The following LUZP1 variants were observed in gnomAD, a reference collection of about 807,000 sequenced individuals.
LUZP1 encodes the protein filamin mechanobinding actin cross-linking protein.
A neutral mutation model predicts 71.3 loss-of-function variants in LUZP1; 25 were observed. The observed-to-expected ratio is 0.35, with a 90% CI of 0.26 to 0.49. The LOEUF (loss-of-function observed/expected upper bound fraction) is 0.49. Among genes scored for constraint, LUZP1 ranks in the 20% least tolerant of loss-of-function variants. LUZP1 has a pLI of 0.99. For missense variants in LUZP1, 1,142 were observed against 1,300.8 expected, an observed-to-expected ratio of 0.88 and a Z score of 1.88; for synonymous variants, 481 against 506.4, an observed-to-expected ratio of 0.95 and a Z score of 0.67.
At chr1:23,168,494 C>A (rs911667644) in intron 2 of LUZP1, among the ~76,000 whole-genome samples, 5 of 151,214 alleles carry the variant, frequency 3.3e-5, no homozygotes, top group African/African-American at 4.9e-5. Flanking sequence ...CTTCCCTCCC[C>A]CTCCCGAGGA....
intron 2 of LUZP1, among the ~76,000 whole-genome samples, chr1:23,144,512 G>C (rs979556518): frequency 6.6e-6 from 1 of 152,138 alleles, no homozygotes; most frequent in Admixed American, 6.5e-5. Flanking sequence ...GATCATACTG[G>C]TAGCTCAGGT....
In LUZP1 at chr1:23,118,927, A is replaced by G. The variant is rs970964489; in HGVS notation, c.-225-9800T>C. Among the ~76,000 whole-genome samples, 27 of 152,046 alleles carry G rather than the reference A, an allele frequency of 1.8e-4. 1 individual carries two copies. The highest frequency in any genetic ancestry group is 4.4e-5 in the Non-Finnish European group (3 of 68,006). On this transcript the variant is annotated intron_variant, in intron 2 of 4. Transcript: ENST00000302291. ...CTAATATTCTAAGATTCTTGGGCCT[A>G]TGTTCCCAATGCACTTTGTCTGTAT...
At chr1:23,175,147 C>G (rs1351924303) in intron 1 of LUZP1, among the ~76,000 whole-genome samples, 1 of 152,082 alleles carries the variant, frequency 6.6e-6, no homozygotes, top group Non-Finnish European at 1.5e-5. Context: ...GGGAAAGTCA[C>G]TTACTGGTCA....
At chr1:23,090,505 T>C (rs1643836178) in intron 4 of LUZP1, 1 of 214,750 alleles carries the variant, frequency 4.7e-6, no homozygotes, top group Admixed American at 5.2e-5. Flanking sequence ...GATGCTGTTC[T>C]GACACCCTGA....
At chr1:23,152,820 C>T (rs774760970) in intron 2 of LUZP1, among the ~76,000 whole-genome samples, 29 of 152,096 alleles carry the variant, frequency 1.9e-4, no homozygotes, top group Non-Finnish European at 2.9e-4. Context: ...TGTGGGCCAC[C>T]GTTCCCGGCC....
chr1:23,108,454 G>A (rs1281720218), intron 3 of LUZP1, among the ~76,000 whole-genome samples: 1 of 152,052 alleles, frequency 6.6e-6, no homozygotes, highest in Non-Finnish European at 1.5e-5. Context: ...AAAAAAATTA[G>A]CTGGGCATGG....
chr1:23,130,525 CTTTT>C (rs748312616), intron 2 of LUZP1, among the ~76,000 whole-genome samples: 2 of 117,212 alleles, frequency 1.7e-5, no homozygotes, highest in Non-Finnish European at 3.5e-5. Context: ...TAACAGTTAT[CTTTT>C]TTTTTTTTTT....
At chr1:23,092,953 T>A (rs780770294) in exon 4 of LUZP1, 1 of 1,614,134 alleles carries the variant, frequency 6.2e-7, no homozygotes, top group Non-Finnish European at 8.5e-7. Flanking sequence ...CTCACCCCCA[T>A]GTGAGAAGCT....
At chr1:23,087,729 C>G (rs1643787948) in exon 5 of LUZP1, 1 of 152,650 alleles carries the variant, frequency 6.6e-6, no homozygotes. Flanking sequence ...ATTTACGTGG[C>G]TTTCTGAAAA....
At chr1:23,169,077 CGGCCCGCGTGGT>C (rs1277712742) in intron 1 of LUZP1, 1 of 152,234 alleles carries the variant, frequency 6.6e-6, no homozygotes, top group Non-Finnish European at 1.5e-5. Flanking sequence ...GGGACACTTT[CGGCCCGCGTGGT>C]GGCTCAAGTC....
intron 4 of LUZP1, chr1:23,090,749 C>T (rs1643839571): frequency 1.5e-6 from 1 of 661,750 alleles, no homozygotes; most frequent in Non-Finnish European, 2.7e-6. Flanking sequence ...CTGAGGCGGC[C>T]GAGAACTTGC....
chr1:23,172,515 T>A (rs961164969), intron 1 of LUZP1, among the ~76,000 whole-genome samples: 15 of 151,404 alleles, frequency 9.9e-5, no homozygotes, highest in African/African-American at 3.4e-4. Context: ...ATTTTTATTT[T>A]TTTATTTTTT....
chr1:23,159,538 T>C (rs1015047237), intron 2 of LUZP1, among the ~76,000 whole-genome samples: 1 of 152,202 alleles, frequency 6.6e-6, no homozygotes, highest in Non-Finnish European at 1.5e-5. Context: ...TAATAAACTA[T>C]ATACTTACTT....
exon 4 of LUZP1, chr1:23,092,832 T>G: frequency 6.2e-7 from 1 of 1,613,686 alleles, no homozygotes. Context: ...AGCCGGGGGG[T>G]AGCGACTCAG....
chr1:23,090,718 C>A, intron 4 of LUZP1: 1 of 627,394 alleles, frequency 1.6e-6, no homozygotes, highest in East Asian at 2.7e-5. Flanking sequence ...GAGAGGCCAG[C>A]AGCCTGTGAA....
At chr1:23,171,906 G>T (rs1644554882) in intron 1 of LUZP1, among the ~76,000 whole-genome samples, 1 of 152,194 alleles carries the variant, frequency 6.6e-6, no homozygotes, top group Admixed American at 6.6e-5. Flanking sequence ...CATGATCCCA[G>T]CAACCACTTA....
At chr1:23,157,081 C>G (rs1267763903) in intron 2 of LUZP1, among the ~76,000 whole-genome samples, 1 of 152,252 alleles carries the variant, frequency 6.6e-6, no homozygotes, top group Non-Finnish European at 1.5e-5. Context: ...CGCCTGTAAT[C>G]CCAACATTTT....
chr1:23,092,227 T>G, exon 4 of LUZP1: 3 of 1,614,000 alleles, frequency 1.9e-6, no homozygotes, highest in South Asian at 1.1e-5. Context: ...GGCTCTGGAG[T>G]GATGGTTGTA....
chr1:23,135,738 A>C (rs1379173214), intron 2 of LUZP1, among the ~76,000 whole-genome samples: 2 of 152,206 alleles, frequency 1.3e-5, no homozygotes, highest in African/African-American at 4.8e-5. Flanking sequence ...AAGGAAGAGA[A>C]TATTATTAAA....
Sources: allele counts gnomAD v4.1 joint callset (sites outside exome capture counted in the v4.1 genomes callset), GRCh38; gene constraint gnomAD v4.1.1; transcripts MANE v1.5; gene names NCBI Gene and HGNC (gene_info 2026-07-23, HGNC 2026-07-21).